Variants in SNPH observed in about 807,000 individuals in gnomAD.
The protein encoded by SNPH is syntaphilin.
A neutral mutation model predicts 36.8 loss-of-function variants in SNPH; 10 were observed. The observed-to-expected ratio is 0.27, with a 90% CI of 0.17 to 0.46. The LOEUF (loss-of-function observed/expected upper bound fraction) is 0.46, where lower values mean the gene tolerates loss of function less well. Among genes scored for constraint, SNPH ranks in the 20% least tolerant of loss-of-function variants. SNPH has a pLI of 1.00. For missense variants in SNPH, 622 were observed against 744.0 expected (o/e 0.84, Z 1.91); for synonymous variants, 281 against 312.2 (o/e 0.90, Z 1.05).
chr20:1,305,600 CAG>C lies in SNPH; in HGVS notation c.1164_1165del (p.Asp390GlnfsTer25). 3 of 1,613,572 alleles carry C rather than the reference CAG, an allele frequency of 1.9e-6. No homozygotes were observed. Among genetic ancestry groups the C allele is most frequent in the South Asian group, 1.1e-5 (1 of 91,090 alleles). ...CAGGTCTGTGGGACAGACCCTGAGTCAGGGGACAGGTGCCCAGAGCTGGATGC... is the reference window on the plus strand; with the variant it reads ...CAGGTCTGTGGGACAGACCCTGAGTCGGGACAGGTGCCCAGAGCTGGATGC... On this transcript the variant is annotated frameshift_variant, in exon 7 of 7. Coordinates refer to ENST00000381867, the MANE Select transcript of SNPH (RefSeq NM_001318234.2). LOFTEE classifies it high-confidence loss of function.
chr20:1,299,370 G>A (rs2088478089), intron 5 of SNPH, among the ~76,000 whole-genome samples: 1 of 152,212 alleles, frequency 6.6e-6, no homozygotes, highest in Non-Finnish European at 1.5e-5. Flanking sequence ...CAAGGCCTGA[G>A]TCTCTAGTCG....
At chr20:1,280,510 G>A (rs1415944216) in intron 2 of SNPH, among the ~76,000 whole-genome samples, 1 of 152,246 alleles carries the variant, frequency 6.6e-6, no homozygotes, top group Admixed American at 6.5e-5. Flanking sequence ...AGGCTGACAA[G>A]GCAGAGGTCG....
At position 1,296,122 on chromosome 20, in the gene SNPH, T is replaced by C; in HGVS notation, c.-118T>C. 1 of 849,104 alleles carries C rather than the reference T, an allele frequency of 1.2e-6. No individual in the cohort carries two copies. Among genetic ancestry groups the C allele is most frequent in the East Asian group, 3.2e-5 (1 of 31,636 alleles). The allele number at this position is 849,104 out of a possible 1,614,324, so 52.6% of individuals were successfully genotyped here. On this transcript the variant is annotated 5_prime_UTR_variant, in exon 4 of 7. Coordinates refer to ENST00000381867, the MANE Select transcript of SNPH (RefSeq NM_001318234.2). Reference sequence around the variant, plus strand: ...TTTAGCCACTCCTGACAGTTGTGGTTTTAAGTTGGGTGGTGGGAACCTGTG... The same window carrying C: ...TTTAGCCACTCCTGACAGTTGTGGTCTTAAGTTGGGTGGTGGGAACCTGTG...
At chr20:1,296,730 T>C (rs529432015) in intron 4 of SNPH, among the ~76,000 whole-genome samples, 4 of 152,314 alleles carry the variant, frequency 2.6e-5, no homozygotes, top group African/African-American at 9.6e-5. Context: ...ACTCACTTGG[T>C]GTCCCTTGGT....
chr20:1,297,190 T>C lies in SNPH; in HGVS notation c.228T>C (p.Ser76=). 6.2e-7 allele frequency: 1 copy of C among 1,613,908 alleles called. No homozygotes were observed. The highest frequency in any genetic ancestry group is 8.5e-7 in the Non-Finnish European group (1 of 1,179,990). The change falls in exon 5 of 7, where the codon TCT becomes TCC. Residue 76 remains serine (S), a synonymous_variant. Transcript: ENST00000381867. ...PVSVRDAYGT[S]SLSSSSNSGS... ...GCGTGCGGGATGCCTACGGCACCTC[T>C]TCGCTCAGCAGCAGCAGCAATTCTG...
chr20:1,291,541 AC>A (rs1306816730), intron 2 of SNPH, among the ~76,000 whole-genome samples: 6 of 151,850 alleles, frequency 4.0e-5, no homozygotes, highest in Non-Finnish European at 8.8e-5. Context: ...TTCTATTCCC[AC>A]CTCTCTGCAT....
At chr20:1,281,003 GT>G (rs767878697) in intron 2 of SNPH, among the ~76,000 whole-genome samples, 1 of 152,312 alleles carries the variant, frequency 6.6e-6, no homozygotes, top group South Asian at 2.1e-4. Flanking sequence ...TCTGGGTGGA[GT>G]GGGGGGTGTG....
intron 2 of SNPH, among the ~76,000 whole-genome samples, chr20:1,282,509 T>C (rs969351945): frequency 2.0e-5 from 3 of 152,196 alleles, no homozygotes; most frequent in Non-Finnish European, 4.4e-5. Context: ...CCCCTAAAAA[T>C]ATCTGTGCTT....
Position 1,306,465 on chromosome 20 carries a change from T to A in SNPH, c.*411T>A, listed in dbSNP as rs1000669932. 3 of 163,002 alleles carry A rather than the reference T, an allele frequency of 1.8e-5. No individual in the cohort carries two copies. The highest frequency in any genetic ancestry group is 7.2e-5 in the African/African-American group (3 of 41,934). 10.1% of individuals were successfully genotyped at this position (163,002 alleles called of 1,614,324 possible). ...CCATCCTGTCCAGTGCCCTGCGCAC[T>A]CCATGCCGTCTCTTCCAAGCCACCT... On this transcript the variant is annotated 3_prime_UTR_variant, in exon 7 of 7. Transcript: ENST00000381867.
At chr20:1,280,519 C>T (rs911011930) in intron 2 of SNPH, among the ~76,000 whole-genome samples, 8 of 152,158 alleles carry the variant, frequency 5.3e-5, no homozygotes, top group South Asian at 4.1e-4. Context: ...AGGCAGAGGT[C>T]GGGTTGTCAC....
At chr20:1,268,336 G>A (rs139724423) in intron 2 of SNPH, among the ~76,000 whole-genome samples, 22 of 152,276 alleles carry the variant, frequency 1.4e-4, no homozygotes, top group African/African-American at 4.3e-4. Flanking sequence ...CAGGTCTTCC[G>A]GATCTCACAT....
chr20:1,274,464 T>C (rs1475079144), intron 2 of SNPH, among the ~76,000 whole-genome samples: 1 of 152,148 alleles, frequency 6.6e-6, no homozygotes, highest in Non-Finnish European at 1.5e-5. Context: ...GAGGAATTCT[T>C]GCCATAGGAT....
In SNPH at chr20:1,276,493, T is replaced by A. The variant is rs1244423872; in HGVS notation, c.-493+9733T>A. Among the ~76,000 whole-genome samples, 5 of 152,156 alleles carry A rather than the reference T, an allele frequency of 3.3e-5. No homozygotes were observed. The highest frequency in any genetic ancestry group is 7.4e-5 in the Non-Finnish European group (5 of 68,018). Reference sequence around the variant, plus strand: ...GTGACTGGGCAAGTCACTTAATTTATCTGACCCTTAGTACCTCAATAGTAA... The same window carrying A: ...GTGACTGGGCAAGTCACTTAATTTAACTGACCCTTAGTACCTCAATAGTAA... On this transcript the variant is annotated intron_variant, in intron 2 of 6. Transcript: ENST00000381867. This position sits in a 1 kb window ranked among gnomAD's most constrained non-coding sequence, Gnocchi z 4.6.
At position 1,266,899 on chromosome 20, in the gene SNPH, C is replaced by G. The variant is rs1333027668; in HGVS notation, c.-493+139C>G. The G allele has an allele frequency of 8.5e-7, 1 of 1,178,864 alleles. No individual in the cohort carries two copies. Among genetic ancestry groups the G allele is most frequent in the Non-Finnish European group, 1.1e-6 (1 of 933,556 alleles). 73.0% of individuals were successfully genotyped at this position (1,178,864 alleles called of 1,614,324 possible). The stretch of plus-strand genomic sequence containing the variant: ...GGGTTAATCGTGACTCATTCTTACC[C>G]TCCCTTCATTCCCCTACATCCCTTT... On this transcript the variant is annotated intron_variant, in intron 2 of 6. Transcript: ENST00000381867. The surrounding 1 kb of genome is among the most constrained non-coding windows in gnomAD (Gnocchi z 6.0).
chr20:1,281,209 T>C (rs2088215071), intron 2 of SNPH, among the ~76,000 whole-genome samples: 1 of 152,154 alleles, frequency 6.6e-6, no homozygotes, highest in South Asian at 2.1e-4. Flanking sequence ...CCTAAATTTC[T>C]CTTGAAGCCA....
At position 1,297,015 on chromosome 20, in the gene SNPH, C is replaced by T. The variant is rs944045644; in HGVS notation, c.183-130C>T. The T allele has an allele frequency of 1.2e-5, 17 of 1,434,140 alleles. No individual in the cohort carries two copies. The East Asian group carries it at 3.9e-4, about 33-fold the overall frequency. 88.8% of individuals were successfully genotyped at this position (1,434,140 alleles called of 1,614,324 possible). Reference sequence around the variant, plus strand: ...ACCCCTGTCTGTGCGTCTCTCTCTCCCTGCTTCTCTCCCCTGTGGTGACCC... The same window carrying T: ...ACCCCTGTCTGTGCGTCTCTCTCTCTCTGCTTCTCTCCCCTGTGGTGACCC... On this transcript the variant is annotated intron_variant, in intron 4 of 6. Coordinates refer to ENST00000381867, the MANE Select transcript of SNPH (RefSeq NM_001318234.2).
Position 1,304,873 on chromosome 20 carries a change from C to G in SNPH, c.441-5C>G. 6.2e-7 allele frequency: 1 copy of G among 1,611,186 alleles called. No homozygotes were observed. Among genetic ancestry groups the G allele is most frequent in the Non-Finnish European group, 8.5e-7 (1 of 1,178,886 alleles). ...TGAGCGTGTGTGTGTCTCCTCGGCT[C>G]GCAGGGACACAGAGATTGATGACCT... On this transcript the variant is annotated splice_polypyrimidine_tract_variant and splice_region_variant and intron_variant, in intron 6 of 6. Transcript: ENST00000381867. This position sits in a 1 kb window ranked among gnomAD's most constrained non-coding sequence, Gnocchi z 4.3.
At chr20:1,277,355 G>GTGTGTA in intron 2 of SNPH, among the ~76,000 whole-genome samples, 1 of 152,266 alleles carries the variant, frequency 6.6e-6, no homozygotes, top group East Asian at 1.9e-4. Flanking sequence ...CATACTCTGT[G>GTGTGTA]TGTGTATGTG....
Position 1,307,767 on chromosome 20 carries a change from C to G in SNPH, c.*1713C>G, listed in dbSNP as rs1206648599. ...CCACACGCTTTGTGCCTCCAAAGCT[C>G]CCCCCGCCTTGGTCAGGGCCTCAGA... On this transcript the variant is annotated 3_prime_UTR_variant, in exon 7 of 7. Coordinates refer to ENST00000381867, the MANE Select transcript of SNPH (RefSeq NM_001318234.2). The G allele has an allele frequency of 6.6e-6, 1 of 152,428 alleles. No individual in the cohort carries two copies. The highest frequency in any genetic ancestry group is 2.4e-5 in the African/African-American group (1 of 41,456). 9.4% of individuals were successfully genotyped at this position (152,428 alleles called of 1,614,324 possible). A position where few individuals can be genotyped will look rare whatever the true frequency, so the allele number is the denominator to read the frequency against.
Sources: allele counts gnomAD v4.1 joint callset (sites outside exome capture counted in the v4.1 genomes callset), GRCh38; gene constraint gnomAD v4.1.1; non-coding constraint Gnocchi (gnomAD v3.1); transcripts MANE v1.5; gene names NCBI Gene and HGNC (gene_info 2026-07-23, HGNC 2026-07-21).